Variants in NDUFA5 observed in about 807,000 individuals in gnomAD.
NDUFA5 encodes the protein NADH:ubiquinone oxidoreductase subunit A5.
Under a neutral mutation model 19.8 loss-of-function variants are expected in NDUFA5, and 11 were observed. The ratio of observed to expected loss-of-function variants is 0.56; its 90% confidence interval spans 0.35 to 0.92. The LOEUF is 0.92. Ranked by LOEUF, NDUFA5 falls within the 40% of genes least tolerant of loss-of-function variation. The pLI is 0.01. For missense variants in NDUFA5, 109 were observed against 134.2 expected, an observed-to-expected ratio of 0.81 and a Z score of 0.93; for synonymous variants, 47 against 46.8, an observed-to-expected ratio of 1.00 and a Z score of -0.01.
At chr7:123,590,797 C>G in the NDUFA5 span, among the ~76,000 whole-genome samples, 2 of 152,088 alleles carry the variant, frequency 1.3e-5, no homozygotes, top group South Asian at 4.2e-4. Flanking sequence ...TTTTTGGTTC[C>G]ATATGAACTT....
At chr7:123,545,719 T>A in intron 3 of NDUFA5, 43 bp from the exon 4 acceptor site, 2 of 1,343,294 alleles carry the variant, frequency 1.5e-6, no homozygotes, top group Non-Finnish European at 2.1e-6. Flanking sequence ...GCATACTAAC[T>A]GAATGTTTCA....
chr7:123,547,953 C>A (rs909559060), intron 3 of NDUFA5, among the ~76,000 whole-genome samples: 1 of 151,954 alleles, frequency 6.6e-6, no homozygotes, highest in Non-Finnish European at 1.5e-5. Context: ...ATTATACCCA[C>A]GTTATAGATG....
chr7:123,596,788 T>A, the NDUFA5 span, among the ~76,000 whole-genome samples: 5 of 152,184 alleles, frequency 3.3e-5, no homozygotes, highest in African/African-American at 1.2e-4. Context: ...CAACTTCAAT[T>A]AGAAATTGAA....
the NDUFA5 span, among the ~76,000 whole-genome samples, chr7:123,573,434 T>G: frequency 1.3e-5 from 2 of 152,044 alleles, no homozygotes; most frequent in East Asian, 3.9e-4. Context: ...AAGTCTTATT[T>G]GTTTATGTAT....
At chr7:123,578,990 T>C in the NDUFA5 span, among the ~76,000 whole-genome samples, 2 of 152,108 alleles carry the variant, frequency 1.3e-5, no homozygotes, top group South Asian at 2.1e-4. Flanking sequence ...TTTGGGCTTC[T>C]ATTGAACCCA....
intron 2 of NDUFA5, 99 bp from the exon 3 acceptor site, chr7:123,550,685 G>GC (rs1554376280): frequency 2.6e-6 from 1 of 386,332 alleles, no homozygotes. Flanking sequence ...ACTCACATCT[G>GC]TTTTTTTTTT....
At chr7:123,542,772 T>C (rs370920607) in intron 4 of NDUFA5, among the ~76,000 whole-genome samples, 11 of 152,348 alleles carry the variant, frequency 7.2e-5, no homozygotes, top group African/African-American at 2.6e-4. Context: ...CTATGGAATG[T>C]AGAACACAAT....
At chr7:123,583,284 C>A in the NDUFA5 span, among the ~76,000 whole-genome samples, 2 of 151,970 alleles carry the variant, frequency 1.3e-5, no homozygotes, top group Non-Finnish European at 1.5e-5. Context: ...TAAAACTGAA[C>A]AGGAAATCAG....
the NDUFA5 span, among the ~76,000 whole-genome samples, chr7:123,580,015 T>G: frequency 6.6e-6 from 1 of 151,878 alleles, no homozygotes; most frequent in Non-Finnish European, 1.5e-5. Context: ...ATAATTACTA[T>G]GTAAGGCAAA....
the NDUFA5 span, among the ~76,000 whole-genome samples, chr7:123,567,828 A>C: frequency 6.6e-6 from 1 of 152,190 alleles, no homozygotes; most frequent in Non-Finnish European, 1.5e-5. Flanking sequence ...GAAAAAAAAA[A>C]CAAACATTCT....
intron 4 of NDUFA5, among the ~76,000 whole-genome samples, chr7:123,544,236 C>T (rs536597916): frequency 1.4e-4 from 21 of 152,204 alleles, no homozygotes; most frequent in African/African-American, 4.3e-4. Flanking sequence ...GGGTGGCTCA[C>T]GCCTGTAATC....
the NDUFA5 span, among the ~76,000 whole-genome samples, chr7:123,601,625 G>A: frequency 6.6e-6 from 1 of 152,134 alleles, no homozygotes; most frequent in African/African-American, 2.4e-5. Flanking sequence ...TGAATTGGCA[G>A]GTCCTTTGTT....
chr7:123,579,596 A>C, the NDUFA5 span, among the ~76,000 whole-genome samples: 1 of 152,208 alleles, frequency 6.6e-6, no homozygotes, highest in African/African-American at 2.4e-5. Flanking sequence ...TCAAAATGAA[A>C]GTTAAAACTT....
chr7:123,547,275 G>A (rs946436059), intron 3 of NDUFA5, among the ~76,000 whole-genome samples: 7 of 152,222 alleles, frequency 4.6e-5, no homozygotes, highest in Non-Finnish European at 7.4e-5. Context: ...GCAGCCATAC[G>A]AAATTAATAC....
the NDUFA5 span, among the ~76,000 whole-genome samples, chr7:123,589,841 G>A: frequency 1.3e-5 from 2 of 152,162 alleles, no homozygotes; most frequent in African/African-American, 2.4e-5. Context: ...ACCCAGTAAT[G>A]GGATCGCTAA....
At chr7:123,572,588 T>C in the NDUFA5 span, among the ~76,000 whole-genome samples, 2 of 152,246 alleles carry the variant, frequency 1.3e-5, no homozygotes, top group African/African-American at 4.8e-5. Flanking sequence ...TATATTGTTA[T>C]AATTTTTCTT....
chr7:123,540,354 A>T lies in NDUFA5; in HGVS notation c.*1765T>A, dbSNP rs1797885967. On this transcript the variant is annotated 3_prime_UTR_variant, in exon 5 of 5. Coordinates refer to ENST00000355749, the MANE Select transcript of NDUFA5 (RefSeq NM_005000.5). ...TCCCCTTTTAGCAAAAAAGTTCAGT[A>T]ACACTGTTGGTGAAACATAAAAGAT... 1 of 152,204 alleles carries T rather than the reference A, an allele frequency of 6.6e-6. No homozygotes were observed. Among genetic ancestry groups the T allele is most frequent in the Non-Finnish European group, 1.5e-5 (1 of 68,038 alleles). The allele number at this position is 152,204 out of a possible 1,614,324, so 9.4% of individuals were successfully genotyped here.
At chr7:123,573,924 AG>A in the NDUFA5 span, among the ~76,000 whole-genome samples, 1 of 152,146 alleles carries the variant, frequency 6.6e-6, no homozygotes, top group Non-Finnish European at 1.5e-5. Context: ...GGGTCAAGGC[AG>A]GGGACAAAAA....
the NDUFA5 span, among the ~76,000 whole-genome samples, chr7:123,591,799 T>C: frequency 6.6e-6 from 1 of 152,212 alleles, no homozygotes; most frequent in Admixed American, 6.5e-5. Context: ...GGTATCAGGA[T>C]GATGCTGACC....
Sources: allele counts gnomAD v4.1 joint callset (sites outside exome capture counted in the v4.1 genomes callset), GRCh38; gene constraint gnomAD v4.1.1; transcripts MANE v1.5; gene names NCBI Gene and HGNC (gene_info 2026-07-23, HGNC 2026-07-21).